FHAD1: variants seen among roughly 807,000 people sequenced by gnomAD.
The protein encoded by FHAD1 is forkhead-associated domain-containing protein 1.
A neutral mutation model predicts 191.3 loss-of-function variants in FHAD1; 146 were observed. That is an observed-to-expected ratio of 0.76 (90% CI 0.67 to 0.88). The LOEUF is 0.88. Among genes scored for constraint, FHAD1 ranks in the 40% least tolerant of loss-of-function variants. FHAD1 has a pLI of 0.00. For missense variants in FHAD1, 1,635 were observed against 1,785.8 expected (o/e 0.92, Z 1.52); for synonymous variants, 616 against 672.3 (o/e 0.92, Z 1.29).
intron 2 of FHAD1, among the ~76,000 whole-genome samples, chr1:15,255,410 A>G (rs1647525480): frequency 6.6e-6 from 1 of 152,248 alleles, no homozygotes; most frequent in African/African-American, 2.4e-5. Flanking sequence ...ACTCAGGGAC[A>G]ATCAATATTG....
intron 5 of FHAD1, 133 bp from the exon 6 acceptor site, chr1:15,301,072 C>T: frequency 1.5e-6 from 1 of 685,096 alleles, no homozygotes; most frequent in Non-Finnish European, 2.4e-6. Context: ...TCAGGCGATC[C>T]ACCCATCTTG....
intron 6 of FHAD1, among the ~76,000 whole-genome samples, chr1:15,305,272 A>T (rs1311300816): frequency 1.3e-5 from 2 of 152,190 alleles, no homozygotes; most frequent in East Asian, 3.9e-4. Context: ...CTGTCACCAC[A>T]CTTACAGAAT....
chr1:15,354,273 T>G (rs1251020030), intron 20 of FHAD1, among the ~76,000 whole-genome samples: 1 of 152,160 alleles, frequency 6.6e-6, no homozygotes, highest in Non-Finnish European at 1.5e-5. Context: ...AGCTGCATGT[T>G]TCATAAGCAG....
At chr1:15,247,102 TGGG>T (rs927883892), upstream of FHAD1, among the ~76,000 whole-genome samples, 1 of 152,214 alleles carries the variant, frequency 6.6e-6, no homozygotes, top group Admixed American at 6.5e-5. Flanking sequence ...GGCAGGCTCG[TGGG>T]GCCTGGAGCA....
chr1:15,305,723 G>A (rs770341025), intron 6 of FHAD1: 9 of 440,666 alleles, frequency 2.0e-5, no homozygotes, highest in Non-Finnish European at 3.2e-5. Flanking sequence ...AGGGGTTTCC[G>A]CTTTTGCTTC....
intron 33 of FHAD1, among the ~76,000 whole-genome samples, chr1:15,397,021 A>T (rs1366325420): frequency 1.6e-4 from 4 of 24,652 alleles, no homozygotes; most frequent in Admixed American, 1.1e-3. Context: ...CGTCTCTACT[A>T]AAAAAAAAAA....
intron 19 of FHAD1, among the ~76,000 whole-genome samples, chr1:15,352,131 CACTT>C (rs1488078849): frequency 6.6e-6 from 1 of 152,188 alleles, no homozygotes; most frequent in Non-Finnish European, 1.5e-5. Context: ...AAAAAACTGT[CACTT>C]ACATTTCAGT....
intron 3 of FHAD1, among the ~76,000 whole-genome samples, chr1:15,275,381 C>G (rs1242294233): frequency 6.6e-6 from 1 of 152,240 alleles, no homozygotes; most frequent in African/African-American, 2.4e-5. Context: ...CATCTGCCCC[C>G]TGGCCCATGC....
rs925950414 is a variant in FHAD1, at chr1:15,304,046, A to T, written c.915+2605A>T. 9.2e-4 allele frequency among the ~76,000 whole-genome samples: 140 copies of T among 152,350 alleles called. 1 individual carries two copies. In the Middle Eastern group the frequency reaches 0.01, roughly 11 times the overall value. On this transcript the variant is annotated intron_variant, in intron 6 of 33. Coordinates refer to ENST00000688493, the MANE Select transcript of FHAD1 (RefSeq NM_001391957.1). ...CTCTTAAATATTCTATTGCCAACAG[A>T]ACATTCAAGCAGACGTACAAGCCAC...
At chr1:15,292,346 C>T (rs906213171) in intron 4 of FHAD1, among the ~76,000 whole-genome samples, 13 of 151,702 alleles carry the variant, frequency 8.6e-5, no homozygotes, top group Non-Finnish European at 1.5e-4. Flanking sequence ...TTTGTTTTGT[C>T]TTTTTGAGAC....
At chr1:15,314,635 G>GTA (rs1673464554) in intron 8 of FHAD1, 1 of 27,454 alleles carries the variant, frequency 3.6e-5, no homozygotes, top group Non-Finnish European at 8.8e-5. Context: ...GAGGATGTAT[G>GTA]TGGGTGTGTG....
intron 6 of FHAD1, chr1:15,305,829 A>G (rs1352340956): frequency 2.4e-6 from 1 of 421,672 alleles, no homozygotes; most frequent in Admixed American, 2.7e-5. Context: ...TGTAAGTCCA[A>G]TTAAATCTCT....
intron 2 of FHAD1, among the ~76,000 whole-genome samples, chr1:15,271,700 T>A (rs1391122586): frequency 6.6e-6 from 1 of 152,200 alleles, no homozygotes; most frequent in Non-Finnish European, 1.5e-5. Context: ...ATTAATTTTG[T>A]TTAAAAAAAT....
intron 2 of FHAD1, among the ~76,000 whole-genome samples, chr1:15,264,398 G>A (rs977862283): frequency 2.0e-5 from 3 of 151,962 alleles, no homozygotes; most frequent in Admixed American, 6.6e-5. Flanking sequence ...TGATGCTATT[G>A]TAAATGGAAT....
chr1:15,336,591 A>G (rs1284751252), intron 14 of FHAD1, among the ~76,000 whole-genome samples: 1 of 152,002 alleles, frequency 6.6e-6, no homozygotes, highest in African/African-American at 2.4e-5. Context: ...TCAAAGGGGC[A>G]CTTCAAGATG....
intron 5 of FHAD1, among the ~76,000 whole-genome samples, chr1:15,300,316 A>G (rs920739294): frequency 2.6e-5 from 4 of 152,200 alleles, no homozygotes; most frequent in South Asian, 2.1e-4. Flanking sequence ...TGAAATTTAC[A>G]AGAGCCTATA....
Position 15,289,317 on chromosome 1 carries a change from C to T in FHAD1, c.301-82C>T, listed in dbSNP as rs377635208. ...GTGACTCATAAACCAAGACCTTGGGCAGCAATGCTGTGGCTGGGACAAAGA... is the reference window on the plus strand; with the variant it reads ...GTGACTCATAAACCAAGACCTTGGGTAGCAATGCTGTGGCTGGGACAAAGA... On this transcript the variant is annotated intron_variant, in intron 3 of 33. Coordinates refer to ENST00000688493, the MANE Select transcript of FHAD1 (RefSeq NM_001391957.1). This position sits in a 1 kb window ranked among gnomAD's most constrained non-coding sequence, Gnocchi z 4.2. 10 of 1,485,932 alleles carry T rather than the reference C, an allele frequency of 6.7e-6. No homozygotes were observed. The African/African-American group carries it at 1.4e-4, about 21-fold the overall frequency. The allele number at this position is 1,485,932 out of a possible 1,614,324, so 92.0% of individuals were successfully genotyped here.
chr1:15,327,163 A>G lies in FHAD1; in HGVS notation c.1557+21A>G. 6.6e-7 allele frequency: 1 copy of G among 1,509,634 alleles called. No individual in the cohort carries two copies. Among genetic ancestry groups the G allele is most frequent in the Non-Finnish European group, 9.0e-7 (1 of 1,109,584 alleles). 93.5% of individuals were successfully genotyped at this position (1,509,634 alleles called of 1,614,324 possible). The stretch of plus-strand genomic sequence containing the variant: ...AACAGGTTAGTCTGCCGTCCCTGCC[A>G]CGTGGCTCCTTCACTTTCCTCTTCT... On this transcript the variant is annotated intron_variant, in intron 12 of 33. Coordinates refer to ENST00000688493, the MANE Select transcript of FHAD1 (RefSeq NM_001391957.1). The surrounding 1 kb of genome is among the most constrained non-coding windows in gnomAD (Gnocchi z 5.1).
At position 15,264,794 on chromosome 1, in the gene FHAD1, T is replaced by G. The variant is rs77784012; in HGVS notation, c.94-7529T>G. Among the ~76,000 whole-genome samples, 928 of 152,322 alleles carry G rather than the reference T, an allele frequency of 6.1e-3. 42 individuals are homozygous for G. The East Asian group carries it at 0.095, about 16-fold the overall frequency. Reference sequence around the variant, plus strand: ...CTTAGTCTTTCACCACTGAGAATTATGTTAGCTATGAGCTTTTCACATATG... The same window carrying G: ...CTTAGTCTTTCACCACTGAGAATTAGGTTAGCTATGAGCTTTTCACATATG... On this transcript the variant is annotated intron_variant, in intron 2 of 33. Transcript: ENST00000688493.
Sources: gnomAD v4.1 joint callset for allele counts (sites outside exome capture counted in the v4.1 genomes callset) on GRCh38, gnomAD v4.1.1 for gene constraint, Gnocchi (gnomAD v3.1) non-coding constraint, MANE v1.5 for transcripts, NCBI Gene and HGNC (gene_info 2026-07-23, HGNC 2026-07-21) for gene names.